Variants in NOSTRIN observed in about 807,000 individuals in gnomAD.
NOSTRIN encodes BM247 homolog.
In NOSTRIN, 63 loss-of-function variants were observed where a neutral mutation model predicts 59.0. That is an observed-to-expected ratio of 1.07 (90% CI 0.87 to 1.32). The LOEUF is 1.32. Ranked by LOEUF, NOSTRIN falls within the 40% of genes most tolerant of loss-of-function variation. The pLI is 0.00. For synonymous variants in NOSTRIN, 200 were observed against 165.4 expected, an observed-to-expected ratio of 1.21 and a Z score of -1.61; for missense variants, 512 against 473.1, an observed-to-expected ratio of 1.08 and a Z score of -0.76.
At chr2:168,854,379 G>A (rs1289019441) in intron 10 of NOSTRIN, among the ~76,000 whole-genome samples, 4 of 152,052 alleles carry the variant, frequency 2.6e-5, no homozygotes, top group African/African-American at 9.7e-5. Context: ...CCCACCTTGA[G>A]TCATTAGTTT....
At chr2:168,798,813 C>CGATCGATAGATAGATA (rs57620905), upstream of NOSTRIN, among the ~76,000 whole-genome samples, 2 of 149,228 alleles carry the variant, frequency 1.3e-5, no homozygotes, top group East Asian at 2.0e-4. Flanking sequence ...ATCGATCGAT[C>CGATCGATAGATAGATA]GATAGATAGA....
At chr2:168,807,699 G>A (rs1025829376) in intron 1 of NOSTRIN, among the ~76,000 whole-genome samples, 30 of 152,252 alleles carry the variant, frequency 2.0e-4, no homozygotes, top group African/African-American at 5.8e-4. Context: ...CCTCTGCACC[G>A]TTGAATTGGC....
At chr2:168,796,153 C>G (rs1685472276), upstream of NOSTRIN, among the ~76,000 whole-genome samples, 1 of 152,216 alleles carries the variant, frequency 6.6e-6, no homozygotes, top group Non-Finnish European at 1.5e-5. Context: ...GTATGGTAAA[C>G]ACTGCCATGG....
upstream of NOSTRIN, among the ~76,000 whole-genome samples, chr2:168,801,689 C>T (rs1328225855): frequency 6.6e-6 from 1 of 152,184 alleles, no homozygotes; most frequent in Non-Finnish European, 1.5e-5. Context: ...GCCAGTCAAA[C>T]AGAACTGTCC....
At chr2:168,859,100 C>T (rs16823013) in intron 12 of NOSTRIN, 4,708 of 155,402 alleles carry the variant, frequency 0.03, 171 homozygotes, top group African/African-American at 0.089. Context: ...TCATTTGCGT[C>T]TATTGATGTT....
chr2:168,851,933 CACTT>C (rs1258542647), intron 10 of NOSTRIN, among the ~76,000 whole-genome samples: 1 of 152,168 alleles, frequency 6.6e-6, no homozygotes, highest in Non-Finnish European at 1.5e-5. Context: ...CCAGAAGACT[CACTT>C]CCAAGCTGAC....
rs762602565 is a variant in NOSTRIN at position 168,851,403 on chromosome 2, T to C, written c.854T>C (p.Phe285Ser). ...TCTGAGTTCCTGTTAACGGATTACT[T>C]TGTGAGTATGAAATGGAAAAAAAAA... The part of the protein sequence containing the change: ...NKSEFLLTDY[F>S]EEDPNSAMDK... Residue 285 changes from phenylalanine (F) to serine (S), a missense_variant and splice_region_variant, in exon 10 of 16, where the codon TTT becomes TCT. Phe to Ser is a radical substitution (Grantham distance 155). Transcript: ENST00000317647. 14 of 1,606,504 alleles carry C rather than the reference T, an allele frequency of 8.7e-6. No individual in the cohort carries two copies. The highest frequency in any genetic ancestry group is 1.2e-5 in the Non-Finnish European group (14 of 1,178,076).
chr2:168,855,469 C>T lies in NOSTRIN; in HGVS notation c.964+9C>T, dbSNP rs774676981. 1 of 1,514,618 alleles carries T rather than the reference C, an allele frequency of 6.6e-7. No homozygotes were observed. The highest frequency in any genetic ancestry group is 9.1e-7 in the Non-Finnish European group (1 of 1,093,442). 93.8% of individuals were successfully genotyped at this position (1,514,618 alleles called of 1,614,324 possible). A position where few individuals can be genotyped will look rare whatever the true frequency, so the allele number is the denominator to read the frequency against. On this transcript the variant is annotated intron_variant, in intron 11 of 15. Coordinates refer to ENST00000317647, the MANE Select transcript of NOSTRIN (RefSeq NM_001039724.4). ...CTCAAAAGACAAGGAAGGTGTGTAA[C>T]CATCTCTTTGAATGGCCAGAAAAGG...
At chr2:168,786,784 C>T (rs1338877305) in intron 1 of NOSTRIN, 1 of 152,210 alleles carries the variant, frequency 6.6e-6, no homozygotes, top group African/African-American at 2.4e-5. Flanking sequence ...TGCTCTAAAA[C>T]TTGCCTCAGT....
At chr2:168,800,914 AAAAAAAC>A (rs1000682557), upstream of NOSTRIN, among the ~76,000 whole-genome samples, 1 of 149,754 alleles carries the variant, frequency 6.7e-6, no homozygotes, top group Non-Finnish European at 1.5e-5. Context: ...TTCTTTTAAA[AAAAAAAC>A]AAAAAAAGAG....
intron 2 of NOSTRIN, among the ~76,000 whole-genome samples, chr2:168,822,356 A>C (rs1449444665): frequency 6.6e-6 from 1 of 152,180 alleles, no homozygotes; most frequent in African/African-American, 2.4e-5. Flanking sequence ...AGAAAAAAAA[A>C]ATGAATAGTA....
At chr2:168,846,370 G>C (rs978059567) in intron 8 of NOSTRIN, among the ~76,000 whole-genome samples, 1 of 151,922 alleles carries the variant, frequency 6.6e-6, no homozygotes, top group African/African-American at 2.4e-5. Context: ...TTCATTTTAG[G>C]GTCCTACGAA....
At chr2:168,829,025 T>A (rs932623625) in intron 5 of NOSTRIN, among the ~76,000 whole-genome samples, 1 of 152,292 alleles carries the variant, frequency 6.6e-6, no homozygotes, top group Non-Finnish European at 1.5e-5. Flanking sequence ...TTTGCATTTT[T>A]AAAATAATTT....
At chr2:168,843,471 C>T (rs113268968) in intron 8 of NOSTRIN, among the ~76,000 whole-genome samples, 16 of 152,086 alleles carry the variant, frequency 1.1e-4, no homozygotes, top group Non-Finnish European at 2.4e-4. Flanking sequence ...ATACAGTGAT[C>T]GCTTATGGAG....
At position 168,806,953 on chromosome 2, in the gene NOSTRIN, A is replaced by T. The variant is rs866056612; in HGVS notation, c.27+4280A>T. 3.3e-5 allele frequency among the ~76,000 whole-genome samples: 5 copies of T among 152,316 alleles called. No individual in the cohort carries two copies. In the South Asian group the frequency reaches 1.0e-3, roughly 32 times the overall value. On this transcript the variant is annotated intron_variant, in intron 1 of 15. Coordinates refer to ENST00000317647, the MANE Select transcript of NOSTRIN (RefSeq NM_001039724.4). The stretch of plus-strand genomic sequence containing the variant: ...TATAACTTGGAGTAAACTTACTGTG[A>T]TTATACAGATTAGCCATTTATAAAT...
intron 1 of NOSTRIN, 33 bp from the exon 2 acceptor site, chr2:168,811,534 C>G (rs1344558166): frequency 4.0e-6 from 3 of 744,354 alleles, no homozygotes; most frequent in Non-Finnish European, 7.0e-6. Context: ...TCTTCCTGTT[C>G]ATTGTTTTTT....
intron 3 of NOSTRIN, among the ~76,000 whole-genome samples, chr2:168,826,222 G>GGGGTGTAA (rs71003058): frequency 1.4e-5 from 2 of 139,816 alleles, no homozygotes; most frequent in African/African-American, 4.9e-5. Flanking sequence ...TAAGGAATGA[G>GGGGTGTAA]GGGTGTAGGG....
intron 7 of NOSTRIN, among the ~76,000 whole-genome samples, chr2:168,838,868 A>G (rs185617235): frequency 1.3e-5 from 2 of 148,830 alleles, no homozygotes; most frequent in African/African-American, 5.0e-5. Context: ...GCCGACTGCA[A>G]CCTCTGCCTC....
chr2:168,811,034 G>A (rs928353617), intron 1 of NOSTRIN, among the ~76,000 whole-genome samples: 6 of 152,050 alleles, frequency 3.9e-5, no homozygotes, highest in African/African-American at 1.2e-4. Context: ...AACTCATTGC[G>A]ATAACATTTT....
Sources: allele counts gnomAD v4.1 joint callset (sites outside exome capture counted in the v4.1 genomes callset), GRCh38; gene constraint gnomAD v4.1.1; transcripts MANE v1.5; gene names NCBI Gene and HGNC (gene_info 2026-07-23, HGNC 2026-07-21).